GRM7: variants seen among roughly 807,000 people sequenced by gnomAD.
GRM7 encodes the protein glutamate metabotropic receptor 7.
In GRM7, 35 loss-of-function variants were observed where a neutral mutation model predicts 84.5. The observed-to-expected ratio is 0.41, with a 90% CI of 0.32 to 0.55. The LOEUF is 0.55. Ranked by LOEUF, GRM7 falls within the 20% of genes least tolerant of loss-of-function variation. GRM7 has a pLI of 0.19. For synonymous variants in GRM7, 487 were observed against 455.1 expected (o/e 1.07, Z -0.89); for missense variants, 1,003 against 1,194.6 (o/e 0.84, Z 2.36).
In GRM7 at chr3:7,740,522, C is replaced by T. The variant is rs1190586484; in HGVS notation, c.*116C>T. ...CCCATCACCGGAGGAGCTTCCCCGG[C>T]CGGGAGACCAGTGTTAGAGGATCCA... On this transcript the variant is annotated 3_prime_UTR_variant, in exon 10 of 10. Coordinates refer to ENST00000357716, the MANE Select transcript of GRM7 (RefSeq NM_000844.4). 5.2e-6 allele frequency: 3 copies of T among 579,758 alleles called. No homozygotes were observed. Among genetic ancestry groups the T allele is most frequent in the African/African-American group, 2.0e-5 (1 of 50,938 alleles). The allele number at this position is 579,758 out of a possible 1,614,324, so 35.9% of individuals were successfully genotyped here. A position where few individuals can be genotyped will look rare whatever the true frequency, so the allele number is the denominator to read the frequency against.
intron 1 of GRM7, among the ~76,000 whole-genome samples, chr3:6,935,662 T>C (rs1697663708): frequency 6.9e-6 from 1 of 145,490 alleles, no homozygotes; most frequent in Non-Finnish European, 1.5e-5. Context: ...CTTTGATTTC[T>C]GTTTCTTATT....
At chr3:7,171,990 C>A (rs1034377452) in intron 2 of GRM7, among the ~76,000 whole-genome samples, 3 of 152,182 alleles carry the variant, frequency 2.0e-5, no homozygotes, top group Admixed American at 6.5e-5. Context: ...AGGTTTAGAA[C>A]ATAATCTCGC....
chr3:7,372,799 G>T (rs991612014), intron 4 of GRM7, among the ~76,000 whole-genome samples: 2 of 152,048 alleles, frequency 1.3e-5, no homozygotes, highest in African/African-American at 4.8e-5. Context: ...TGTGGTGTAT[G>T]TGACAGGGGT....
At chr3:7,198,707 A>G (rs1695964264) in intron 2 of GRM7, among the ~76,000 whole-genome samples, 1 of 152,230 alleles carries the variant, frequency 6.6e-6, no homozygotes. Flanking sequence ...TAAATAATGT[A>G]CACAAAGTGA....
intron 1 of GRM7, among the ~76,000 whole-genome samples, chr3:7,070,534 A>G (rs1205450615): frequency 1.3e-5 from 2 of 152,128 alleles, no homozygotes; most frequent in Non-Finnish European, 2.9e-5. Context: ...ATGTGAGTGC[A>G]TTAGACACTA....
At chr3:7,379,572 A>G (rs1694502816) in intron 4 of GRM7, among the ~76,000 whole-genome samples, 2 of 152,210 alleles carry the variant, frequency 1.3e-5, no homozygotes, top group African/African-American at 4.8e-5. Flanking sequence ...AAAAATTATG[A>G]AATCATGAGA....
intron 4 of GRM7, among the ~76,000 whole-genome samples, chr3:7,403,622 G>GATATATATATATATATAT (rs59465377): frequency 5.1e-4 from 65 of 126,936 alleles, no homozygotes; most frequent in Middle Eastern, 4.3e-3. Context: ...GAGTAATTCT[G>GATATATATATATATATAT]ATATATATAT....
intron 2 of GRM7, among the ~76,000 whole-genome samples, chr3:7,293,419 T>A (rs148472993): frequency 9.2e-5 from 14 of 152,314 alleles, no homozygotes; most frequent in African/African-American, 2.4e-4. Context: ...GTATCTCTCT[T>A]GTATGTATCA....
intron 2 of GRM7, among the ~76,000 whole-genome samples, chr3:7,247,609 A>T (rs1697819491): frequency 6.6e-6 from 1 of 150,464 alleles, no homozygotes; most frequent in Admixed American, 6.6e-5. Context: ...TTTTAAAAAA[A>T]AAAAAAAAAA....
chr3:7,499,618 G>T (rs888031450), intron 7 of GRM7, among the ~76,000 whole-genome samples: 2 of 152,086 alleles, frequency 1.3e-5, no homozygotes, highest in Non-Finnish European at 2.9e-5. Context: ...ACTGGGTCAC[G>T]GAAGATGAAA....
At chr3:7,309,787 T>C (rs534252259) in intron 4 of GRM7, among the ~76,000 whole-genome samples, 1 of 152,260 alleles carries the variant, frequency 6.6e-6, no homozygotes, top group African/African-American at 2.4e-5. Context: ...TTCCCCCCTT[T>C]CGATTTAATG....
At chr3:7,602,938 A>G (rs1696390247) in intron 8 of GRM7, among the ~76,000 whole-genome samples, 1 of 152,144 alleles carries the variant, frequency 6.6e-6, no homozygotes, top group African/African-American at 2.4e-5. Flanking sequence ...TTAAGCTTTT[A>G]AAAGTTGTAG....
chr3:7,172,913 A>G (rs1217371515), intron 2 of GRM7, among the ~76,000 whole-genome samples: 1 of 152,124 alleles, frequency 6.6e-6, no homozygotes, highest in Non-Finnish European at 1.5e-5. Flanking sequence ...ACACATATAC[A>G]TATCTATGCT....
intron 1 of GRM7, among the ~76,000 whole-genome samples, chr3:7,047,643 C>T (rs1044533812): frequency 7.2e-5 from 11 of 152,062 alleles, no homozygotes; most frequent in African/African-American, 2.7e-4. Context: ...GAATTCCTTA[C>T]AGTCCAGGGA....
At chr3:6,914,553 C>G (rs535207209) in intron 1 of GRM7, among the ~76,000 whole-genome samples, 2 of 152,068 alleles carry the variant, frequency 1.3e-5, no homozygotes, top group East Asian at 1.9e-4. Flanking sequence ...CAGGAATGCA[C>G]CAGCACGCCT....
intron 7 of GRM7, among the ~76,000 whole-genome samples, chr3:7,465,057 C>T (rs554001895): frequency 7.2e-5 from 11 of 152,252 alleles, no homozygotes; most frequent in African/African-American, 2.4e-4. Context: ...TTAAAATATT[C>T]TGTTTAATTT....
intron 9 of GRM7, among the ~76,000 whole-genome samples, chr3:7,695,533 A>G (rs1700985862): frequency 6.6e-6 from 1 of 152,190 alleles, no homozygotes; most frequent in African/African-American, 2.4e-5. Flanking sequence ...TGGTCAGGAT[A>G]GTCTTCCATA....
At chr3:7,436,092 C>T (rs980359688) in intron 5 of GRM7, among the ~76,000 whole-genome samples, 3 of 152,050 alleles carry the variant, frequency 2.0e-5, no homozygotes, top group African/African-American at 4.8e-5. Flanking sequence ...GGTGATCCAC[C>T]TGCCTTGGCC....
chr3:7,710,121 A>G (rs1701529298), intron 9 of GRM7, among the ~76,000 whole-genome samples: 1 of 152,124 alleles, frequency 6.6e-6, no homozygotes, highest in Non-Finnish European at 1.5e-5. Flanking sequence ...AAACAATACT[A>G]TAAAAGGTAT....
Sources: allele counts gnomAD v4.1 joint callset (sites outside exome capture counted in the v4.1 genomes callset), GRCh38; gene constraint gnomAD v4.1.1; transcripts MANE v1.5; gene names NCBI Gene and HGNC (gene_info 2026-07-23, HGNC 2026-07-21).